UEVLD: variants seen among roughly 807,000 people sequenced by gnomAD.
The protein encoded by UEVLD is UEV and lactate/malate dehyrogenase domains, also known as ubiquitin-conjugating enzyme E2 variant 3.
Under a neutral mutation model 58.6 loss-of-function variants are expected in UEVLD, and 47 were observed. The observed-to-expected ratio is 0.80, with a 90% CI of 0.63 to 1.02. UEVLD has a LOEUF of 1.02. Among genes scored for constraint, UEVLD ranks in the 50% least tolerant of loss-of-function variants. UEVLD has a pLI of 0.00. For missense variants in UEVLD, 510 were observed against 550.6 expected, an observed-to-expected ratio of 0.93 and a Z score of 0.74; for synonymous variants, 197 against 195.3, an observed-to-expected ratio of 1.01 and a Z score of -0.07.
chr11:18,587,046 T>C (rs1355433358), intron 1 of UEVLD, among the ~76,000 whole-genome samples: 1 of 151,880 alleles, frequency 6.6e-6, no homozygotes, highest in African/African-American at 2.4e-5. Context: ...CAAACAGTAA[T>C]AATAATAATA....
chr11:18,561,192 T>G (rs1400111234), intron 6 of UEVLD, among the ~76,000 whole-genome samples: 1 of 152,222 alleles, frequency 6.6e-6, no homozygotes, highest in Non-Finnish European at 1.5e-5. Context: ...GCTTCATCAT[T>G]TATTAACAGT....
intron 1 of UEVLD, among the ~76,000 whole-genome samples, chr11:18,587,004 C>T (rs189963295): frequency 7.9e-4 from 120 of 152,248 alleles, no homozygotes; most frequent in African/African-American, 2.8e-3. Flanking sequence ...TGCACTTCAA[C>T]CTGGGTGACA....
intron 7 of UEVLD, among the ~76,000 whole-genome samples, chr11:18,553,103 C>T (rs958431687): frequency 2.2e-5 from 3 of 138,292 alleles, no homozygotes; most frequent in South Asian, 2.3e-4. Flanking sequence ...TGCAGTGAGT[C>T]GAGATAGCGC....
At position 18,532,004 on chromosome 11, in the gene UEVLD, C is replaced by T. The variant is rs193223638; in HGVS notation, c.*316G>A. 836 of 169,914 alleles carry T rather than the reference C, an allele frequency of 4.9e-3. 6 individuals carry two copies. Among genetic ancestry groups the T allele is most frequent in the South Asian group, 0.024 (120 of 5,030 alleles). The allele number at this position is 169,914 out of a possible 1,614,324, so 10.5% of individuals were successfully genotyped here. The stretch of plus-strand genomic sequence containing the variant: ...AGATATATTACTTATAAAATATTCC[C>T]GAAGTATGAATTGTGCTTTTAGTTT... On this transcript the variant is annotated 3_prime_UTR_variant, in exon 12 of 12. Transcript: ENST00000396197.
chr11:18,542,264 C>A (rs1481299005), intron 9 of UEVLD, among the ~76,000 whole-genome samples: 1 of 152,056 alleles, frequency 6.6e-6, no homozygotes, highest in Non-Finnish European at 1.5e-5. Context: ...AATAACCAGG[C>A]AAGCAAGAGA....
chr11:18,550,560 G>A (rs1469256769), intron 7 of UEVLD, among the ~76,000 whole-genome samples: 1 of 152,102 alleles, frequency 6.6e-6, no homozygotes, highest in African/African-American at 2.4e-5. Flanking sequence ...CTTTCTGCCA[G>A]TCCAAATCTC....
chr11:18,534,392 C>G lies in UEVLD; in HGVS notation c.1186G>C (p.Asp396His), dbSNP rs755875236. Residue 396 changes from aspartate to histidine, a missense_variant, in exon 11 of 12, where the codon GAC (aspartate) becomes CAC (histidine). Coordinates refer to ENST00000396197, the MANE Select transcript of UEVLD (RefSeq NM_001040697.4). ...TTGTTTACAATACTGTCAACCATGTCAGCTACTGATAGTCCAACAGACCAG... is the reference window on the plus strand; with the variant it reads ...TTGTTTACAATACTGTCAACCATGTGAGCTACTGATAGTCCAACAGACCAG... ...RSWSVGLSVA[D>H]MVDSIVNNKK... is the part of the protein sequence containing the mutation. The G allele has an allele frequency of 8.2e-6, 13 of 1,579,274 alleles. No homozygotes were observed. The highest frequency in any genetic ancestry group is 1.0e-5 in the Non-Finnish European group (12 of 1,168,894).
chr11:18,537,711 G>A (rs1421864221), intron 9 of UEVLD, among the ~76,000 whole-genome samples: 1 of 151,968 alleles, frequency 6.6e-6, no homozygotes, highest in Non-Finnish European at 1.5e-5. Context: ...CACCTAGGGT[G>A]GAGTGCAGTG....
At chr11:18,544,987 TAC>T (rs200135636) in intron 8 of UEVLD, among the ~76,000 whole-genome samples, 191 bp from the exon 9 acceptor site, 12 of 139,440 alleles carry the variant, frequency 8.6e-5, no homozygotes, top group East Asian at 2.1e-4. Flanking sequence ...CACACATACA[TAC>T]ACACATATAT....
chr11:18,588,209 G>T (rs181206274), intron 1 of UEVLD, among the ~76,000 whole-genome samples: 7 of 152,190 alleles, frequency 4.6e-5, no homozygotes, highest in African/African-American at 1.7e-4. Flanking sequence ...CAAAACAGAA[G>T]GGTTGATTCA....
Position 18,532,455 on chromosome 11 carries a change from TAA to T in UEVLD, c.1279_1280del (p.Leu427LysfsTer13). 1 of 1,612,390 alleles carries T rather than the reference TAA, an allele frequency of 6.2e-7. No homozygotes were observed. The highest frequency in any genetic ancestry group is 1.7e-5 in the Admixed American group (1 of 59,742). ...GYYDINSEVF[L>X]SLPCILGTNG... ...TGGTTCCAAGGATGCAAGGCAAACT[TAA>T]AAACACTTCACTATTTATATCATAA... is the stretch of plus-strand genomic sequence containing the variant. On this transcript the variant is annotated frameshift_variant, in exon 12 of 12. Transcript: ENST00000396197. LOFTEE classifies it high-confidence loss of function.
At chr11:18,547,109 TC>T (rs1851335480) in intron 7 of UEVLD, 59 bp from the exon 8 acceptor site, 1 of 1,537,734 alleles carries the variant, frequency 6.5e-7, no homozygotes, top group African/African-American at 1.4e-5. Flanking sequence ...AAGTTCTAGT[TC>T]ACGATTAAAA....
At chr11:18,537,117 T>C (rs1047612511) in intron 9 of UEVLD, among the ~76,000 whole-genome samples, 4 of 151,480 alleles carry the variant, frequency 2.6e-5, no homozygotes, top group African/African-American at 7.3e-5. Context: ...GCCAGGCTGG[T>C]CTTGAACTCC....
At chr11:18,585,074 T>C (rs921766367) in intron 1 of UEVLD, among the ~76,000 whole-genome samples, 1 of 152,122 alleles carries the variant, frequency 6.6e-6, no homozygotes. Context: ...TTAAAAAAAT[T>C]GAGATAGGGT....
chr11:18,581,715 G>A (rs1853250199), intron 1 of UEVLD, among the ~76,000 whole-genome samples: 1 of 151,688 alleles, frequency 6.6e-6, no homozygotes, highest in Non-Finnish European at 1.5e-5. Flanking sequence ...GAAAAGGGAA[G>A]GTCATTCTAA....
At chr11:18,552,843 T>G (rs1039523146) in intron 7 of UEVLD, among the ~76,000 whole-genome samples, 3 of 145,458 alleles carry the variant, frequency 2.1e-5, no homozygotes, top group East Asian at 4.2e-4. Context: ...CCTGAATGAG[T>G]GAGACTTGGT....
chr11:18,551,800 A>C (rs16935538), intron 7 of UEVLD, among the ~76,000 whole-genome samples: 30,790 of 152,142 alleles, frequency 0.2, 3,264 homozygotes, highest in East Asian at 0.25. Flanking sequence ...CTACAACCTA[A>C]ACCAAAGGCT....
intron 6 of UEVLD, among the ~76,000 whole-genome samples, chr11:18,560,056 G>A (rs538657303): frequency 1.2e-4 from 15 of 126,172 alleles, no homozygotes; most frequent in African/African-American, 4.2e-4. Flanking sequence ...AGGAGTTTCA[G>A]ACCAGCCTGG....
chr11:18,544,186 T>C (rs1851183510), intron 9 of UEVLD, among the ~76,000 whole-genome samples: 1 of 152,194 alleles, frequency 6.6e-6, no homozygotes, highest in Non-Finnish European at 1.5e-5. Context: ...ATTCACAATA[T>C]AGGGCCTGTT....
Sources: gnomAD v4.1 joint callset for allele counts (sites outside exome capture counted in the v4.1 genomes callset) on GRCh38, gnomAD v4.1.1 for gene constraint, MANE v1.5 for transcripts, NCBI Gene and HGNC (gene_info 2026-07-23, HGNC 2026-07-21) for gene names.